KRT8: variants seen among roughly 807,000 people sequenced by gnomAD.
KRT8 encodes keratin, type II cytoskeletal 8.
In KRT8, 24 loss-of-function variants were observed where a neutral mutation model predicts 43.0. The ratio of observed to expected loss-of-function variants is 0.56; its 90% CI spans 0.40 to 0.78. KRT8 has a LOEUF of 0.78. KRT8 is among the 30% of genes least tolerant of loss of function. The pLI is 0.00. For missense variants in KRT8, 492 were observed against 638.4 expected (o/e 0.77, Z 2.47); for synonymous variants, 214 against 261.2 (o/e 0.82, Z 1.74).
At chr12:52,919,604 A>G (rs1035271050) in intron 2 of KRT8, among the ~76,000 whole-genome samples, 2 of 151,262 alleles carry the variant, frequency 1.3e-5, no homozygotes, top group Admixed American at 6.6e-5. Flanking sequence ...CAAGTGTCAA[A>G]GTGTCAGATC....
exon 8 of KRT8, chr12:52,897,539 C>A: frequency 6.3e-7 from 1 of 1,597,714 alleles, no homozygotes; most frequent in South Asian, 1.1e-5. Flanking sequence ...AGCTGGAGCC[C>A]GCGCCAGAGC....
chr12:52,926,332 G>GGGCCCCCCCCCCCCCCCCCCCC, intron 2 of KRT8: 1 of 600,278 alleles, frequency 1.7e-6, no homozygotes, highest in Non-Finnish European at 3.0e-6. Context: ...GGCACTAGCT[G>GGGCCCCCCCCCCCCCCCCCCCC]CCCTCCCCAC....
At chr12:52,933,646 C>T (rs1323696269) in intron 2 of KRT8, among the ~76,000 whole-genome samples, 10 of 151,652 alleles carry the variant, frequency 6.6e-5, no homozygotes, top group East Asian at 1.9e-4. Context: ...TTTTTTGAGA[C>T]GGAGTTATGC....
chr12:52,920,237 G>A (rs746265402), intron 2 of KRT8, among the ~76,000 whole-genome samples: 4 of 152,134 alleles, frequency 2.6e-5, no homozygotes, highest in Non-Finnish European at 5.9e-5. Flanking sequence ...TTTATTTATT[G>A]AGCATCTGTA....
intron 2 of KRT8, among the ~76,000 whole-genome samples, chr12:52,912,435 CA>C (rs1183673934): frequency 6.6e-6 from 1 of 152,218 alleles, no homozygotes; most frequent in Admixed American, 6.5e-5. Flanking sequence ...TAAAAACCCA[CA>C]ACTCTTGGGG....
chr12:52,898,587 C>G, intron 6 of KRT8, 68 bp from the exon 7 acceptor site: 1 of 1,611,424 alleles, frequency 6.2e-7, no homozygotes, highest in Non-Finnish European at 8.5e-7. Context: ...AACAGGACCC[C>G]AAGTCCCAAG....
chr12:52,938,136 C>CTATACATATATA (rs1555189938), intron 2 of KRT8, among the ~76,000 whole-genome samples: 15 of 44,046 alleles, frequency 3.4e-4, no homozygotes, highest in African/African-American at 1.2e-3. Context: ...CACTAGAAAG[C>CTATACATATATA]TATATATATA....
At chr12:52,914,563 C>T (rs1431799456) in intron 2 of KRT8, among the ~76,000 whole-genome samples, 1 of 152,148 alleles carries the variant, frequency 6.6e-6, no homozygotes, top group Non-Finnish European at 1.5e-5. Flanking sequence ...ATCCTTGCCT[C>T]AAGCAATCCT....
At position 52,900,580 on chromosome 12, in the gene KRT8, G is replaced by A. The variant is rs1941342390; in HGVS notation, c.690+8C>T. 6.3e-7 allele frequency: 1 copy of A among 1,590,854 alleles called. No homozygotes were observed. Among genetic ancestry groups the A allele is most frequent in the Non-Finnish European group, 8.6e-7 (1 of 1,160,448 alleles). On this transcript the variant is annotated splice_region_variant and intron_variant, in intron 4 of 7. Transcript: ENST00000692008. ...GGGACCCTCACTCTCCTGCGACCAG[G>A]AACATACCTCTTCATATAGCTGCCT...
At chr12:52,948,837 G>A in intron 2 of KRT8, 2 of 414,312 alleles carry the variant, frequency 4.8e-6, no homozygotes, top group East Asian at 7.1e-5. Flanking sequence ...ACCTGGGGGA[G>A]AAGAGCATAA....
chr12:52,898,419 G>A (rs766267058), intron 7 of KRT8, 42 bp downstream of exon 7: 42 of 1,581,140 alleles, frequency 2.7e-5, no homozygotes, highest in East Asian at 2.0e-4. Flanking sequence ...GCCTCCCTGG[G>A]CCCTGCCTCC....
chr12:52,932,578 T>TA (rs1942102399), intron 2 of KRT8, among the ~76,000 whole-genome samples: 1 of 151,894 alleles, frequency 6.6e-6, no homozygotes, highest in Non-Finnish European at 1.5e-5. Flanking sequence ...GAAGAAGAAA[T>TA]AAAAGGCATA....
At chr12:52,937,645 G>A (rs1295107750) in intron 2 of KRT8, among the ~76,000 whole-genome samples, 7 of 148,922 alleles carry the variant, frequency 4.7e-5, no homozygotes, top group African/African-American at 1.5e-4. Context: ...CCAAGATCCC[G>A]CCACTGTACT....
At chr12:52,946,137 C>T (rs977529540) in intron 2 of KRT8, among the ~76,000 whole-genome samples, 3 of 152,170 alleles carry the variant, frequency 2.0e-5, no homozygotes, top group African/African-American at 7.2e-5. Context: ...CCCCACGCTG[C>T]ACCTCCACAG....
At chr12:52,903,959 C>T (rs1455889975) in intron 1 of KRT8, among the ~76,000 whole-genome samples, 10 of 150,706 alleles carry the variant, frequency 6.6e-5, no homozygotes, top group Non-Finnish European at 1.2e-4. Flanking sequence ...CCCCTCACCC[C>T]GCCCTCGGCC....
chr12:52,916,084 T>C (rs937603248), intron 2 of KRT8, among the ~76,000 whole-genome samples: 1 of 151,776 alleles, frequency 6.6e-6, no homozygotes, highest in African/African-American at 2.4e-5. Context: ...TATGGAAGAG[T>C]AGAAAAGCTA....
exon 5 of KRT8, chr12:52,899,823 G>A (rs1941318436): frequency 1.2e-6 from 2 of 1,612,082 alleles, no homozygotes; most frequent in Non-Finnish European, 1.7e-6. Context: ...TGATGTTCCG[G>A]TTCATCTCAG....
At chr12:52,911,959 G>A (rs993297911), upstream of KRT8, among the ~76,000 whole-genome samples, 4 of 152,226 alleles carry the variant, frequency 2.6e-5, no homozygotes, top group African/African-American at 9.6e-5. Context: ...ACTCTGGGAG[G>A]TGGAGGTTGC....
upstream of KRT8, chr12:52,905,144 G>T (rs1185361725): frequency 1.3e-5 from 18 of 1,356,324 alleles, no homozygotes; most frequent in Non-Finnish European, 1.6e-5. Context: ...GAGTGGCTAG[G>T]CCCAGAGGGG....
Sources: allele counts gnomAD v4.1 joint callset (sites outside exome capture counted in the v4.1 genomes callset), GRCh38; gene constraint gnomAD v4.1.1; transcripts MANE v1.5; gene names NCBI Gene and HGNC (gene_info 2026-07-23, HGNC 2026-07-21).